GRIK4: variants seen among roughly 807,000 people sequenced by gnomAD.
GRIK4 encodes glutamate receptor ionotropic, kainate 4.
In GRIK4, 40 loss-of-function variants were observed where a neutral mutation model predicts 104.9. The observed-to-expected ratio is 0.38, with a 90% CI of 0.30 to 0.50. The LOEUF is 0.50. Ranked by LOEUF, GRIK4 falls within the 20% of genes least tolerant of loss-of-function variation. The pLI is 0.93. For synonymous variants in GRIK4, 485 were observed against 524.9 expected (o/e 0.92, Z 1.04); for missense variants, 1,047 against 1,308.1 (o/e 0.80, Z 3.08).
chr11:120,711,107 T>C (rs1266165538), intron 3 of GRIK4, among the ~76,000 whole-genome samples: 1 of 152,000 alleles, frequency 6.6e-6, no homozygotes, highest in Non-Finnish European at 1.5e-5. Context: ...TCCAAGTCAG[T>C]GTCTCTGATG....
chr11:120,519,484 C>T lies in GRIK4; in HGVS notation c.-159+7597C>T, dbSNP rs188188984. 1.2e-3 allele frequency among the ~76,000 whole-genome samples: 190 copies of T among 152,300 alleles called. 2 individuals are homozygous for T. In the Middle Eastern group the frequency reaches 0.027, roughly 22 times the overall value. ...ATCTATGAACCCAAAAGCCCTCACC[C>T]GACACTGAATCTGCCAGCACCTTGA... On this transcript the variant is annotated intron_variant, in intron 1 of 20. Coordinates refer to ENST00000527524, the MANE Select transcript of GRIK4 (RefSeq NM_014619.5).
chr11:120,563,780 C>A (rs1258745882), intron 1 of GRIK4, among the ~76,000 whole-genome samples: 1 of 152,200 alleles, frequency 6.6e-6, no homozygotes, highest in African/African-American at 2.4e-5. Flanking sequence ...AGAAGCCTAC[C>A]TCCTGAGCTA....
intron 1 of GRIK4, among the ~76,000 whole-genome samples, chr11:120,649,655 G>A (rs2000872): frequency 0.56 from 84,396 of 151,962 alleles, 24,486 homozygotes; most frequent in Non-Finnish European, 0.63. Context: ...AGGCTGAGAA[G>A]CCCAGCTCTT....
intron 1 of GRIK4, among the ~76,000 whole-genome samples, chr11:120,616,663 C>A (rs903316956): frequency 6.6e-6 from 1 of 152,216 alleles, no homozygotes; most frequent in Admixed American, 6.5e-5. Context: ...AGGCACCAGA[C>A]CCCTCCAAAG....
intron 9 of GRIK4, among the ~76,000 whole-genome samples, chr11:120,865,494 T>C (rs1391479593): frequency 6.6e-6 from 1 of 152,222 alleles, no homozygotes; most frequent in Non-Finnish European, 1.5e-5. Flanking sequence ...CTGGGCCTAC[T>C]TGGGGCCAGT....
At chr11:120,889,589 ATTTTT>A (rs369264259) in intron 11 of GRIK4, among the ~76,000 whole-genome samples, 1,208 of 62,450 alleles carry the variant, frequency 0.019, 23 homozygotes, top group African/African-American at 0.065. Flanking sequence ...AAGAGCTTAC[ATTTTT>A]TTTTTTTTTT....
chr11:120,590,137 C>G (rs903433945), intron 1 of GRIK4, among the ~76,000 whole-genome samples: 1 of 152,102 alleles, frequency 6.6e-6, no homozygotes, highest in Non-Finnish European at 1.5e-5. Context: ...TTTCTTCTTT[C>G]TCTTTAGTGT....
At chr11:120,733,433 G>A (rs1951172498) in intron 3 of GRIK4, among the ~76,000 whole-genome samples, 1 of 151,512 alleles carries the variant, frequency 6.6e-6, no homozygotes, top group South Asian at 2.1e-4. Context: ...TTTAGTGAAG[G>A]TGCTTTTCTC....
intron 1 of GRIK4, among the ~76,000 whole-genome samples, chr11:120,523,475 C>T (rs577165482): frequency 1.3e-5 from 2 of 151,960 alleles, no homozygotes; most frequent in Non-Finnish European, 2.9e-5. Flanking sequence ...GAGGAGGAGC[C>T]GACTTTTGTC....
intron 3 of GRIK4, among the ~76,000 whole-genome samples, chr11:120,793,042 A>T (rs1483303533): frequency 1.3e-5 from 2 of 152,194 alleles, no homozygotes; most frequent in Non-Finnish European, 2.9e-5. Context: ...ATTAAATGAG[A>T]TAACATATAT....
chr11:120,659,635 T>G (rs1591777554), intron 2 of GRIK4, among the ~76,000 whole-genome samples: 1 of 152,334 alleles, frequency 6.6e-6, no homozygotes, highest in East Asian at 1.9e-4. Context: ...CAGTGTGCAG[T>G]GCCTGTGCTG....
chr11:120,967,145 T>TTAA lies in GRIK4; in HGVS notation c.2267-50_2267-49insTAA. 1 of 1,578,214 alleles carries TTAA rather than the reference T, an allele frequency of 6.3e-7. No individual in the cohort carries two copies. The highest frequency in any genetic ancestry group is 8.6e-7 in the Non-Finnish European group (1 of 1,160,958). On this transcript the variant is annotated intron_variant, in intron 18 of 20. Transcript: ENST00000527524. This position sits in a 1 kb window ranked among gnomAD's most constrained non-coding sequence, Gnocchi z 4.2. ...CCGGGAAGGGGAGCAGAGTGACACC[T>TTAA]AACAGGGCATTCACAACCTGTGTCC...
chr11:120,965,423 C>T lies in GRIK4; in HGVS notation c.2267-1772C>T, dbSNP rs374270181. On this transcript the variant is annotated intron_variant, in intron 18 of 20. Transcript: ENST00000527524. ...ATTCACGGCAGATGTGTAATAAGTACTTACTGTACTTGAAGCTCTGCTGGT... is the reference window on the plus strand; with the variant it reads ...ATTCACGGCAGATGTGTAATAAGTATTTACTGTACTTGAAGCTCTGCTGGT... 5.3e-5 allele frequency among the ~76,000 whole-genome samples: 8 copies of T among 152,348 alleles called. No homozygotes were observed. The South Asian group carries it at 1.7e-3, about 32-fold the overall frequency.
chr11:120,719,544 A>G (rs1303205598), intron 3 of GRIK4, among the ~76,000 whole-genome samples: 1 of 152,122 alleles, frequency 6.6e-6, no homozygotes, highest in Non-Finnish European at 1.5e-5. Context: ...TGTTTTGAAG[A>G]TGATCTGAGA....
At chr11:120,862,196 A>C in intron 9 of GRIK4, 76 bp downstream of exon 9, 1 of 1,280,964 alleles carries the variant, frequency 7.8e-7, no homozygotes, top group Non-Finnish European at 1.1e-6. Context: ...ACCCCTGGGC[A>C]ACACATCTTC....
intron 13 of GRIK4, among the ~76,000 whole-genome samples, chr11:120,929,958 T>C (rs370230849): frequency 6.6e-6 from 1 of 152,120 alleles, no homozygotes; most frequent in East Asian, 1.9e-4. Context: ...GAAATCAGCC[T>C]GCTTCAGCTG....
chr11:120,695,337 G>T (rs373832431), intron 3 of GRIK4, among the ~76,000 whole-genome samples: 12 of 152,190 alleles, frequency 7.9e-5, no homozygotes, highest in African/African-American at 2.9e-4. Context: ...CCAGGCCCTG[G>T]CCCTCCCTCT....
chr11:120,714,148 A>G (rs766405663), intron 3 of GRIK4, among the ~76,000 whole-genome samples: 12 of 152,232 alleles, frequency 7.9e-5, no homozygotes, highest in Non-Finnish European at 1.5e-4. Context: ...GTGTTGAGAC[A>G]CCATGTGGAT....
chr11:120,938,261 TA>T (rs1943641335), intron 13 of GRIK4, among the ~76,000 whole-genome samples: 2 of 152,214 alleles, frequency 1.3e-5, no homozygotes, highest in Admixed American at 1.3e-4. Context: ...ATGAAGGCAC[TA>T]ACAATCCTCT....
Sources: gnomAD v4.1 joint callset for allele counts (sites outside exome capture counted in the v4.1 genomes callset) on GRCh38, gnomAD v4.1.1 for gene constraint, Gnocchi (gnomAD v3.1) non-coding constraint, MANE v1.5 for transcripts, NCBI Gene and HGNC (gene_info 2026-07-23, HGNC 2026-07-21) for gene names.